Variants in TEX15 observed in about 807,000 individuals in gnomAD.
TEX15 encodes the protein testis expressed 15, meiosis and synapsis associated.
In TEX15, 171 loss-of-function variants were observed where a neutral mutation model predicts 237.3. The ratio of observed to expected loss-of-function variants is 0.72; its 90% CI spans 0.64 to 0.82. TEX15 has a LOEUF of 0.82. Ranked by LOEUF, TEX15 falls within the 40% of genes least tolerant of loss-of-function variation. TEX15 has a pLI of 0.00. For synonymous variants in TEX15, 1,338 were observed against 1,269.8 expected (o/e 1.05, Z -1.14); for missense variants, 3,750 against 3,646.5 (o/e 1.03, Z -0.73).
intron 7 of TEX15, among the ~76,000 whole-genome samples, chr8:30,857,130 C>G (rs146786978): frequency 2.6e-5 from 4 of 152,114 alleles, no homozygotes; most frequent in African/African-American, 9.6e-5. Flanking sequence ...GTAAGAGATC[C>G]CTGCAGCACC....
chr8:30,845,445 A>G lies in TEX15; in HGVS notation c.4722T>C (p.Ile1574=), dbSNP rs199572874. Residue 1574 remains isoleucine, a synonymous_variant, in exon 8 of 11, where the codon ATT becomes ATC. Coordinates refer to ENST00000643185, the MANE Select transcript of TEX15 (RefSeq NM_001350162.2). Reference sequence around the variant, plus strand: ...TAGTGCTAGATAAAAATGCTGTATCAATTTGATTTTCTTTTTCTATTAGTT... The same window carrying G: ...TAGTGCTAGATAAAAATGCTGTATCGATTTGATTTTCTTTTTCTATTAGTT... ...DEKLIEKENQ[I]DTAFLSSTSK... 1.2e-6 allele frequency: 2 copies of G among 1,612,806 alleles called. No individual in the cohort carries two copies. The highest frequency in any genetic ancestry group is 1.1e-5 in the South Asian group (1 of 90,958).
chr8:30,877,311 T>C (rs1277285454), intron 3 of TEX15, among the ~76,000 whole-genome samples: 1 of 152,154 alleles, frequency 6.6e-6, no homozygotes, highest in Non-Finnish European at 1.5e-5. Context: ...TTTTACCAAG[T>C]AGGAAATTCA....
At chr8:30,900,527 A>G (rs1808987612) in intron 1 of TEX15, among the ~76,000 whole-genome samples, 1 of 152,238 alleles carries the variant, frequency 6.6e-6, no homozygotes, top group Non-Finnish European at 1.5e-5. Flanking sequence ...GTTGAAAGAT[A>G]GTTTTTAAGT....
rs776973308 is a variant in TEX15, at chr8:30,846,130, C to G, written c.4037G>C (p.Arg1346Pro). 1 of 1,613,462 alleles carries G rather than the reference C, an allele frequency of 6.2e-7. No homozygotes were observed. Among genetic ancestry groups the G allele is most frequent in the East Asian group, 2.2e-5 (1 of 44,832 alleles). ...SECFSSLSQG[R>P]IKTFSQSEKH... The stretch of plus-strand genomic sequence containing the variant: ...TTCTGACTGTGAAAATGTTTTAATT[C>G]GTCCTTGGGATAATGAAGAGAAACA... The change falls in exon 8 of 11, where the codon CGA (arginine) becomes CCA (proline). Residue 1346 changes from arginine (R) to proline (P), a missense_variant. Transcript: ENST00000643185.
rs140576253 is a variant in TEX15 at position 30,844,997 on chromosome 8, C to A, written c.5170G>T (p.Ala1724Ser). 1.2e-6 allele frequency: 2 copies of A among 1,613,624 alleles called. No homozygotes were observed. The highest frequency in any genetic ancestry group is 3.3e-5 in the Admixed American group (2 of 60,000). Residue 1724 changes from alanine (A) to serine (S), a missense_variant, in exon 8 of 11, where the codon GCA becomes TCA. Transcript: ENST00000643185. Reference sequence around the variant, plus strand: ...GATTCTCCCTCACTATCTGTCACTGCAGCGGCTGATAACTGAGGAATACTG... The same window carrying A: ...GATTCTCCCTCACTATCTGTCACTGAAGCGGCTGATAACTGAGGAATACTG... ...KYSIPQLSAAAVTDSEGESSK... is the reference protein window; with the variant it reads ...KYSIPQLSAASVTDSEGESSK...
In TEX15 at chr8:30,845,984, G is replaced by A. The variant is rs1000801129; in HGVS notation, c.4183C>T (p.His1395Tyr). 6.2e-7 allele frequency: 1 copy of A among 1,613,000 alleles called. No individual in the cohort carries two copies. ...VHLKKAHRRV[H>Y]TSLQLITKVG... is the part of the protein sequence containing the mutation. ...TTAGTTATAAGCTGCAAAGATGTGT[G>A]AACTCTTCTATGAGCTTTTTTTAAG... The change falls in exon 8 of 11, where the codon CAC (histidine) becomes TAC (tyrosine). Residue 1395 changes from histidine (H) to tyrosine (Y), a missense_variant. Transcript: ENST00000643185.
At chr8:30,880,396 A>C (rs1254600748) in intron 3 of TEX15, among the ~76,000 whole-genome samples, 1 of 152,146 alleles carries the variant, frequency 6.6e-6, no homozygotes, top group Non-Finnish European at 1.5e-5. Flanking sequence ...CTAGTATTTA[A>C]AAGTATAGTT....
intron 7 of TEX15, among the ~76,000 whole-genome samples, chr8:30,850,819 T>C (rs1477387572): frequency 6.6e-6 from 1 of 152,108 alleles, no homozygotes; most frequent in African/African-American, 2.4e-5. Context: ...GTCAATTACA[T>C]ATAAATTATT....
At chr8:30,887,383 T>G in intron 2 of TEX15, 72 bp from the exon 3 acceptor site, 1 of 1,260,252 alleles carries the variant, frequency 7.9e-7, no homozygotes, top group Non-Finnish European at 1.0e-6. Context: ...TACAATCATT[T>G]AAAAGTTCTT....
At chr8:30,895,534 T>C (rs1563276042) in intron 2 of TEX15, among the ~76,000 whole-genome samples, 1 of 151,746 alleles carries the variant, frequency 6.6e-6, no homozygotes, top group East Asian at 1.9e-4. Flanking sequence ...AATTAAGGCA[T>C]GAGTATCTGG....
chr8:30,839,919 ATGT>A lies in TEX15; in HGVS notation c.8206_8208del (p.Thr2736del). On this transcript the variant is annotated inframe_deletion, in exon 9 of 11. Transcript: ENST00000643185. Reference sequence around the variant, plus strand: ...GGGAACTCCTACCTTGGATGCTTGAATGTTGCCTTTTCTCTGTTGATTTTTGTG... The same window carrying A: ...GGGAACTCCTACCTTGGATGCTTGAATGCCTTTTCTCTGTTGATTTTTGTG... The A allele has an allele frequency of 6.2e-7, 1 of 1,601,850 alleles. No individual in the cohort carries two copies. The highest frequency in any genetic ancestry group is 2.3e-5 in the East Asian group (1 of 44,182).
At chr8:30,889,579 A>G (rs1808738845) in intron 2 of TEX15, among the ~76,000 whole-genome samples, 1 of 152,192 alleles carries the variant, frequency 6.6e-6, no homozygotes, top group African/African-American at 2.4e-5. Flanking sequence ...ACTTAGGATA[A>G]TACTTTGCCA....
At chr8:30,857,510 T>C (rs1413982024) in intron 7 of TEX15, among the ~76,000 whole-genome samples, 1 of 152,046 alleles carries the variant, frequency 6.6e-6, no homozygotes, top group Non-Finnish European at 1.5e-5. Flanking sequence ...TCGCAACACA[T>C]ACAACTGACC....
Position 30,847,843 on chromosome 8 carries a change from T to G in TEX15, c.2324A>C (p.Lys775Thr). 6.2e-7 allele frequency: 1 copy of G among 1,613,946 alleles called. No homozygotes were observed. The highest frequency in any genetic ancestry group is 2.2e-5 in the East Asian group (1 of 44,864). ...FPKPKDIPQA[K>T]EMFIDTVISS... The stretch of plus-strand genomic sequence containing the variant: ...AATAACTGTATCAATGAACATTTCT[T>G]TGGCCTGGGGTATGTCTTTTGGTTT... The change falls in exon 8 of 11, where the codon AAA becomes ACA. Residue 775 changes from lysine to threonine, a missense_variant. Lys to Thr is a moderately conservative substitution (Grantham distance 78). Transcript: ENST00000643185.
chr8:30,845,930 G>A lies in TEX15; in HGVS notation c.4237C>T (p.Pro1413Ser). The A allele has an allele frequency of 1.2e-6, 2 of 1,613,270 alleles. No individual in the cohort carries two copies. The highest frequency in any genetic ancestry group is 1.7e-6 in the Non-Finnish European group (2 of 1,179,588). The change falls in exon 8 of 11, where the codon CCA (proline) becomes TCA (serine). Residue 1413 changes from proline (P) to serine (S), a missense_variant. By Grantham distance (74) the Pro-to-Ser change is moderately conservative (BLOSUM62 -1). Transcript: ENST00000643185. Reference protein sequence around the residue: ...KVGEERKGPLPKSYAIICNNF... With the variant: ...KVGEERKGPLSKSYAIICNNF... ...TTGCATATTATTGCATATGATTTTG[G>A]TAATGGGCCCTTTCTTTCTTCTCCT... is the stretch of plus-strand genomic sequence containing the variant.
intron 7 of TEX15, among the ~76,000 whole-genome samples, chr8:30,853,543 T>G (rs1807836400): frequency 6.6e-6 from 1 of 152,160 alleles, no homozygotes; most frequent in African/African-American, 2.4e-5. Context: ...AAATGTGGTA[T>G]TGGTATTATA....
intron 10 of TEX15, among the ~76,000 whole-genome samples, chr8:30,834,563 G>C (rs776939676): frequency 2.6e-5 from 4 of 152,160 alleles, no homozygotes; most frequent in Admixed American, 1.3e-4. Flanking sequence ...GGAAGAAAGG[G>C]AAAGATACAG....
At chr8:30,862,036 G>C (rs1016084525) in intron 5 of TEX15, among the ~76,000 whole-genome samples, 1 of 152,088 alleles carries the variant, frequency 6.6e-6, no homozygotes, top group Non-Finnish European at 1.5e-5. Flanking sequence ...TGAGATAACA[G>C]GCATTCTTAC....
At chr8:30,896,689 G>C (rs1808912516) in intron 2 of TEX15, among the ~76,000 whole-genome samples, 1 of 152,158 alleles carries the variant, frequency 6.6e-6, no homozygotes, top group African/African-American at 2.4e-5. Context: ...TCCTCAGAAA[G>C]ATATGCAGTA....
Sources: allele counts gnomAD v4.1 joint callset (sites outside exome capture counted in the v4.1 genomes callset), GRCh38; gene constraint gnomAD v4.1.1; transcripts MANE v1.5; gene names NCBI Gene and HGNC (gene_info 2026-07-23, HGNC 2026-07-21).